Variants in TRPM3 observed in about 807,000 individuals in gnomAD.
TRPM3 encodes the protein long transient receptor potential channel 3.
TRPM3 carries 77 observed loss-of-function variants against 181.2 expected under a neutral mutation model. The ratio of observed to expected loss-of-function variants is 0.42; its 90% CI spans 0.35 to 0.51. TRPM3 has a LOEUF of 0.51. TRPM3 is among the 20% of genes least tolerant of loss of function. TRPM3 has a pLI of 0.01. For missense variants in TRPM3, 1,759 were observed against 2,196.7 expected (o/e 0.80, Z 3.98); for synonymous variants, 745 against 796.4 (o/e 0.94, Z 1.09).
chr9:71,039,349 G>A (rs769845260), intron 1 of TRPM3, among the ~76,000 whole-genome samples: 3 of 152,114 alleles, frequency 2.0e-5, no homozygotes, highest in Non-Finnish European at 2.9e-5. Context: ...AGGATGCCAA[G>A]CACATTAAGT....
At chr9:70,652,314 G>T (rs1035850088) in intron 9 of TRPM3, among the ~76,000 whole-genome samples, 1 of 151,998 alleles carries the variant, frequency 6.6e-6, no homozygotes, top group Non-Finnish European at 1.5e-5. Flanking sequence ...ACACCCGAGG[G>T]AGTTGTCCAG....
At chr9:71,053,917 CAA>C (rs781345890) in intron 1 of TRPM3, among the ~76,000 whole-genome samples, 2 of 152,090 alleles carry the variant, frequency 1.3e-5, no homozygotes, top group Non-Finnish European at 2.9e-5. Context: ...CCAGGCAACT[CAA>C]GAGCTTCAAT....
chr9:70,700,712 G>A (rs1378017309), intron 8 of TRPM3, among the ~76,000 whole-genome samples: 2 of 152,200 alleles, frequency 1.3e-5, no homozygotes, highest in Non-Finnish European at 2.9e-5. Flanking sequence ...ACTTTCATCA[G>A]ATTGATCTCT....
intron 8 of TRPM3, among the ~76,000 whole-genome samples, chr9:70,692,150 T>G (rs1274968227): frequency 2.0e-5 from 3 of 152,238 alleles, no homozygotes; most frequent in Admixed American, 2.0e-4. Flanking sequence ...TAGTCTCATT[T>G]TATTCTCCAT....
chr9:70,623,831 G>A (rs2064022608), intron 14 of TRPM3, among the ~76,000 whole-genome samples: 1 of 151,826 alleles, frequency 6.6e-6, no homozygotes, highest in Non-Finnish European at 1.5e-5. Context: ...CTGAGGAAAT[G>A]CACTTATGCG....
intron 1 of TRPM3, among the ~76,000 whole-genome samples, chr9:71,330,713 G>T (rs1053908567): frequency 1.3e-5 from 2 of 151,806 alleles, no homozygotes; most frequent in Non-Finnish European, 2.9e-5. Flanking sequence ...ATACACCATA[G>T]AGAGAAGAGA....
chr9:71,291,729 T>A (rs2085830863), intron 1 of TRPM3, among the ~76,000 whole-genome samples: 1 of 152,060 alleles, frequency 6.6e-6, no homozygotes, highest in Non-Finnish European at 1.5e-5. Context: ...GCCCTCATAG[T>A]GGAAGTTCTG....
chr9:71,007,742 T>G (rs1373890598), intron 1 of TRPM3, among the ~76,000 whole-genome samples: 1 of 152,094 alleles, frequency 6.6e-6, no homozygotes, highest in Admixed American at 6.5e-5. Context: ...TGAATACAAA[T>G]GAACACAGCA....
At chr9:71,402,496 C>T (rs1281854125) in intron 1 of TRPM3, among the ~76,000 whole-genome samples, 2 of 152,150 alleles carry the variant, frequency 1.3e-5, no homozygotes, top group Non-Finnish European at 2.9e-5. Flanking sequence ...TAGCATTTCT[C>T]CTGTGTATTT....
At chr9:71,415,694 C>T (rs932666675) in intron 1 of TRPM3, among the ~76,000 whole-genome samples, 1 of 151,972 alleles carries the variant, frequency 6.6e-6, no homozygotes, top group African/African-American at 2.4e-5. Context: ...GTTTCACCTA[C>T]CTTCTATTGC....
chr9:71,152,478 G>T (rs2075784983), intron 1 of TRPM3, among the ~76,000 whole-genome samples: 1 of 151,808 alleles, frequency 6.6e-6, no homozygotes, highest in South Asian at 2.1e-4. Context: ...TTTAAAAAAG[G>T]GTTCTATTTT....
At position 71,330,785 on chromosome 9, in the gene TRPM3, A is replaced by C. The variant is rs544866533; in HGVS notation, c.183+115868T>G. Among the ~76,000 whole-genome samples the C allele has an allele frequency of 1.5e-4, 23 of 151,964 alleles. 2 individuals are homozygous for C. The East Asian group carries it at 3.5e-3, about 23-fold the overall frequency. The stretch of plus-strand genomic sequence containing the variant: ...GATCCAAGTATGTCAGATGACCATG[A>C]GAAGGATTCACACAGATACAGGAGG... On this transcript the variant is annotated intron_variant, in intron 1 of 24. Transcript: ENST00000357533.
intron 1 of TRPM3, among the ~76,000 whole-genome samples, chr9:71,072,215 G>A (rs2062857805): frequency 6.6e-6 from 1 of 152,110 alleles, no homozygotes; most frequent in Admixed American, 6.5e-5. Context: ...ACATTTTTGA[G>A]ATTTCTCTAT....
intron 1 of TRPM3, among the ~76,000 whole-genome samples, chr9:71,284,497 C>G (rs1048867540): frequency 2.0e-5 from 3 of 152,208 alleles, no homozygotes; most frequent in African/African-American, 7.2e-5. Context: ...GGTTGTCTCT[C>G]AGCTCGCCTC....
At chr9:70,988,349 CT>C (rs1380075634) in intron 1 of TRPM3, among the ~76,000 whole-genome samples, 1 of 152,112 alleles carries the variant, frequency 6.6e-6, no homozygotes, top group African/African-American at 2.4e-5. Flanking sequence ...GCTGTGTAAC[CT>C]AAGAAGCCTT....
chr9:70,919,784 CAAA>C (rs34469005), intron 1 of TRPM3, among the ~76,000 whole-genome samples: 1 of 130,702 alleles, frequency 7.7e-6, no homozygotes. Context: ...AACTCCATTT[CAAA>C]AAAAAAAAAA....
At position 70,832,931 on chromosome 9, in the gene TRPM3, A is replaced by G. The variant is rs149895754; in HGVS notation, c.802-4913T>C. Among the ~76,000 whole-genome samples, 465 of 152,336 alleles carry G rather than the reference A, an allele frequency of 3.1e-3. 2 individuals are homozygous for G. Among genetic ancestry groups the G allele is most frequent in the African/African-American group, 0.01 (417 of 41,566 alleles). On this transcript the variant is annotated intron_variant, in intron 5 of 25. Coordinates refer to ENST00000677713, the MANE Select transcript of TRPM3 (RefSeq NM_001366145.2). ...TTCTTGAGGAAATATAGTGTGTGAT[A>G]AATATTCTGCTGGCTTGAAGAGACA... is the stretch of plus-strand genomic sequence containing the variant.
At chr9:71,411,106 A>G (rs2093540311) in intron 1 of TRPM3, among the ~76,000 whole-genome samples, 1 of 152,198 alleles carries the variant, frequency 6.6e-6, no homozygotes, top group Non-Finnish European at 1.5e-5. Context: ...CGTATTTCAA[A>G]ATAATAAGAG....
At chr9:70,888,915 T>C (rs377505866) in intron 1 of TRPM3, among the ~76,000 whole-genome samples, 1 of 152,108 alleles carries the variant, frequency 6.6e-6, no homozygotes, top group East Asian at 1.9e-4. Flanking sequence ...GAGAGGAAAG[T>C]TGTAACAACA....
Sources: gnomAD v4.1 joint callset for allele counts (sites outside exome capture counted in the v4.1 genomes callset) on GRCh38, gnomAD v4.1.1 for gene constraint, MANE v1.5 for transcripts, NCBI Gene and HGNC (gene_info 2026-07-23, HGNC 2026-07-21) for gene names.